The following TUSC3 variants were observed in gnomAD, a reference collection of about 807,000 sequenced individuals.
TUSC3 encodes the protein tumor suppressor candidate 3, also known as dolichyl-diphosphooligosaccharide--protein glycosyltransferase subunit TUSC3.
Under a neutral mutation model 44.8 loss-of-function variants are expected in TUSC3, and 45 were observed. The observed-to-expected ratio is 1.00, with a 90% CI of 0.79 to 1.29. The LOEUF is 1.29. Ranked by LOEUF, TUSC3 falls within the 50% of genes most tolerant of loss-of-function variation. The pLI is 0.00. For synonymous variants in TUSC3, 212 were observed against 152.9 expected, an observed-to-expected ratio of 1.39 and a Z score of -2.85; for missense variants, 519 against 437.9, an observed-to-expected ratio of 1.19 and a Z score of -1.65.
the TUSC3 span, among the ~76,000 whole-genome samples, chr8:15,841,702 C>T: frequency 1.2e-3 from 178 of 152,160 alleles, no homozygotes; most frequent in Non-Finnish European, 1.7e-3. Context: ...TTAGTAGAGA[C>T]GGGGTTTTGC....
At chr8:15,652,035 T>C (rs1585195026) in intron 3 of TUSC3, among the ~76,000 whole-genome samples, 1 of 152,202 alleles carries the variant, frequency 6.6e-6, no homozygotes, top group African/African-American at 2.4e-5. Flanking sequence ...AATGTGTAAC[T>C]AGAATTTGAA....
intron 6 of TUSC3, among the ~76,000 whole-genome samples, chr8:15,692,438 T>C (rs1300329526): frequency 1.4e-5 from 2 of 138,840 alleles, no homozygotes; most frequent in African/African-American, 5.3e-5. Flanking sequence ...CTCTTCTTTA[T>C]ACATCTGGTA....
At chr8:15,470,243 A>G (rs946090105) in intron 1 of TUSC3, among the ~76,000 whole-genome samples, 41 of 148,800 alleles carry the variant, frequency 2.8e-4, no homozygotes, top group African/African-American at 9.9e-4. Context: ...TGGGCAACAG[A>G]GAAAGACCCT....
intron 2 of TUSC3, among the ~76,000 whole-genome samples, chr8:15,645,602 T>G (rs1806590366): frequency 6.6e-6 from 1 of 152,156 alleles, no homozygotes; most frequent in Admixed American, 6.5e-5. Flanking sequence ...TGAGGTATAC[T>G]TCTTTATTAT....
chr8:15,764,275 C>T lies in TUSC3; in HGVS notation c.*119C>T. On this transcript the variant is annotated 3_prime_UTR_variant, in exon 11 of 11. Coordinates refer to ENST00000503731, the MANE Select transcript of TUSC3 (RefSeq NM_006765.4). ...TACCATGAAGATAAACTGTTCCTGA[C>T]TTTATACTATTTTGAATTCATTCAT... The T allele has an allele frequency of 6.4e-7, 1 of 1,555,700 alleles. No homozygotes were observed. Among genetic ancestry groups the T allele is most frequent in the Non-Finnish European group, 8.8e-7 (1 of 1,130,720 alleles).
chr8:15,470,915 A>G (rs1424646499), intron 1 of TUSC3, among the ~76,000 whole-genome samples: 1 of 152,174 alleles, frequency 6.6e-6, no homozygotes, highest in Admixed American at 6.5e-5. Context: ...CTGAGGGGAC[A>G]GGCTGCAGCC....
At chr8:15,620,860 C>G (rs1221282573) in intron 1 of TUSC3, among the ~76,000 whole-genome samples, 1 of 152,112 alleles carries the variant, frequency 6.6e-6, no homozygotes, top group African/African-American at 2.4e-5. Flanking sequence ...AAAGTGAAAT[C>G]TTTGACCTTT....
intron 6 of TUSC3, among the ~76,000 whole-genome samples, chr8:15,686,710 C>T: frequency 6.6e-6 from 1 of 152,018 alleles, no homozygotes; most frequent in South Asian, 2.1e-4. Context: ...CATTCAGTAG[C>T]TTTATTACAG....
At chr8:15,719,795 G>A (rs2129203514) in intron 6 of TUSC3, among the ~76,000 whole-genome samples, 1 of 152,132 alleles carries the variant, frequency 6.6e-6, no homozygotes, top group East Asian at 1.9e-4. Context: ...GCCATATGTT[G>A]CCTAAATAAA....
At chr8:15,461,688 A>G (rs982165524) in intron 1 of TUSC3, among the ~76,000 whole-genome samples, 1 of 151,728 alleles carries the variant, frequency 6.6e-6, no homozygotes, top group Admixed American at 6.6e-5. Flanking sequence ...GATGGCTTTT[A>G]TTACATTGAG....
chr8:15,789,260 A>G, the TUSC3 span, among the ~76,000 whole-genome samples: 2 of 152,192 alleles, frequency 1.3e-5, no homozygotes, highest in African/African-American at 2.4e-5. Flanking sequence ...GTTGCTTGCA[A>G]TGTTCAGTGT....
intron 1 of TUSC3, 122 bp downstream of exon 1, chr8:15,540,690 G>C: frequency 7.4e-7 from 1 of 1,343,804 alleles, no homozygotes; most frequent in Non-Finnish European, 9.8e-7. Context: ...TGCCGGCGCT[G>C]GGGCGGGAGC....
rs186845392 is a variant in TUSC3, at chr8:15,541,825, G to C, written c.138+1257G>C. Among the ~76,000 whole-genome samples, 10 of 106,164 alleles carry C rather than the reference G, an allele frequency of 9.4e-5. No individual in the cohort carries two copies. The East Asian group carries it at 2.0e-3, about 21-fold the overall frequency. 69.6% of individuals were successfully genotyped at this position (106,164 alleles called of 152,430 possible). A position where few individuals can be genotyped will look rare whatever the true frequency, so the allele number is the denominator to read the frequency against. Reference sequence around the variant, plus strand: ...AGGAGTTCACGAGAAAGGTAGAAGAGTGAAGAAAAAGTAGACAGTTTTTTT... The same window carrying C: ...AGGAGTTCACGAGAAAGGTAGAAGACTGAAGAAAAAGTAGACAGTTTTTTT... On this transcript the variant is annotated intron_variant, in intron 1 of 10. Transcript: ENST00000503731.
At chr8:15,643,734 G>A (rs1585185889) in intron 2 of TUSC3, among the ~76,000 whole-genome samples, 1 of 152,104 alleles carries the variant, frequency 6.6e-6, no homozygotes. Context: ...ATATATTTCA[G>A]TGAATTCAGC....
intron 1 of TUSC3, among the ~76,000 whole-genome samples, chr8:15,599,960 G>A (rs1028760679): frequency 3.3e-5 from 5 of 151,418 alleles, no homozygotes; most frequent in Admixed American, 6.6e-5. Flanking sequence ...GTTTCTTGTC[G>A]ATTCTTTTGA....
At chr8:15,783,266 T>C in the TUSC3 span, among the ~76,000 whole-genome samples, 1 of 152,204 alleles carries the variant, frequency 6.6e-6, no homozygotes, top group Admixed American at 6.5e-5. Context: ...GTTAAAATGT[T>C]CATACTGTCC....
At chr8:15,504,588 TA>T (rs1801019888) in intron 2 of TUSC3, among the ~76,000 whole-genome samples, 3 of 17,998 alleles carry the variant, frequency 1.7e-4, no homozygotes, top group Non-Finnish European at 3.8e-4. Context: ...GATATATATA[TA>T]TATATATATA....
At chr8:15,838,100 T>C in the TUSC3 span, among the ~76,000 whole-genome samples, 12 of 152,194 alleles carry the variant, frequency 7.9e-5, no homozygotes, top group African/African-American at 2.7e-4. Flanking sequence ...GTTGTATCAA[T>C]AGACCACCTC....
rs184458363 is a variant in TUSC3 at position 15,561,877 on chromosome 8, C to T, written c.138+21309C>T. Among the ~76,000 whole-genome samples the T allele has an allele frequency of 3.4e-4, 51 of 152,230 alleles. No homozygotes were observed. The East Asian group carries it at 7.4e-3, about 22-fold the overall frequency. ...CCTGTTTCGGCTGGCGCACGGTGTG[C>T]GCACCCACTCTCCTGCACCCACTGT... On this transcript the variant is annotated intron_variant, in intron 1 of 10. Transcript: ENST00000503731.
Sources: gnomAD v4.1 joint callset for allele counts (sites outside exome capture counted in the v4.1 genomes callset) on GRCh38, gnomAD v4.1.1 for gene constraint, MANE v1.5 for transcripts, NCBI Gene and HGNC (gene_info 2026-07-23, HGNC 2026-07-21) for gene names.